RFX3: variants seen among roughly 807,000 people sequenced by gnomAD.
The protein encoded by RFX3 is regulatory factor X3.
RFX3 carries 14 observed loss-of-function variants against 98.6 expected under a neutral mutation model. The ratio of observed to expected loss-of-function variants is 0.14; its 90% CI spans 0.09 to 0.22. RFX3 has a LOEUF of 0.22. Ranked by LOEUF, RFX3 falls within the 10% of genes least tolerant of loss-of-function variation. RFX3 has a pLI of 1.00. For synonymous variants in RFX3, 383 were observed against 328.4 expected (o/e 1.17, Z -1.80); for missense variants, 639 against 926.9 (o/e 0.69, Z 4.03).
rs539378482 is a variant in RFX3 at position 3,366,382 on chromosome 9, T to G, written c.118-19618A>C. Among the ~76,000 whole-genome samples the G allele has an allele frequency of 2.6e-5, 4 of 152,358 alleles. No homozygotes were observed. The East Asian group carries it at 7.7e-4, about 29-fold the overall frequency. On this transcript the variant is annotated intron_variant, in intron 2 of 16. Transcript: ENST00000617270. ...CCAAGTGCGTGTATACGTGTGTGTC[T>G]GCACATACATACACGCACCAACTAC...
chr9:3,424,423 G>T (rs1384658260), intron 1 of RFX3, among the ~76,000 whole-genome samples: 2 of 132,138 alleles, frequency 1.5e-5, no homozygotes, highest in Non-Finnish European at 3.1e-5. Flanking sequence ...GTGCAGTGGC[G>T]CGATCTCGAC....
chr9:3,418,631 T>C (rs1046388174), intron 1 of RFX3, among the ~76,000 whole-genome samples: 1 of 152,148 alleles, frequency 6.6e-6, no homozygotes, highest in African/African-American at 2.4e-5. Flanking sequence ...CCGTCTGCCT[T>C]GGCCTCCCAA....
chr9:3,506,090 G>A (rs950332213), intron 1 of RFX3, among the ~76,000 whole-genome samples: 1 of 151,656 alleles, frequency 6.6e-6, no homozygotes, highest in African/African-American at 2.4e-5. Flanking sequence ...CTGGAAAGAG[G>A]TTAAGATGAC....
intron 2 of RFX3, among the ~76,000 whole-genome samples, chr9:3,376,225 T>C (rs1305774114): frequency 2.0e-5 from 3 of 152,212 alleles, no homozygotes; most frequent in South Asian, 2.1e-4. Flanking sequence ...AACTCTCATA[T>C]ACTGCTGGTG....
At chr9:3,345,692 C>T (rs970553246) in intron 3 of RFX3, among the ~76,000 whole-genome samples, 2 of 151,948 alleles carry the variant, frequency 1.3e-5, no homozygotes, top group African/African-American at 2.4e-5. Context: ...AAAACGAATA[C>T]AAAATTAACC....
Position 3,525,910 on chromosome 9 carries a change from T to C in RFX3, c.-172A>G. ...TGGCGCTTGATTCACAAGGCAACGGTTGCTATAACTCACAAAAGAGAGAGA... is the reference window on the plus strand; with the variant it reads ...TGGCGCTTGATTCACAAGGCAACGGCTGCTATAACTCACAAAAGAGAGAGA... On this transcript the variant is annotated 5_prime_UTR_variant, in exon 1 of 17. Coordinates refer to ENST00000617270, the MANE Select transcript of RFX3 (RefSeq NM_001282116.2). The C allele has an allele frequency of 2.0e-6, 2 of 981,806 alleles. No homozygotes were observed. Among genetic ancestry groups the C allele is most frequent in the Non-Finnish European group, 2.4e-6 (2 of 828,752 alleles). The allele number at this position is 981,806 out of a possible 1,614,324, so 60.8% of individuals were successfully genotyped here. A position where few individuals can be genotyped will look rare whatever the true frequency, so the allele number is the denominator to read the frequency against.
At chr9:3,305,548 G>A (rs1369563537) in intron 4 of RFX3, among the ~76,000 whole-genome samples, 1 of 151,892 alleles carries the variant, frequency 6.6e-6, no homozygotes, top group Non-Finnish European at 1.5e-5. Context: ...GAGGCAAGAG[G>A]AATAATGCAG....
intron 12 of RFX3, 75 bp from the exon 13 acceptor site, chr9:3,263,159 T>G (rs1239300727): frequency 6.7e-7 from 1 of 1,502,018 alleles, no homozygotes; most frequent in African/African-American, 1.4e-5. Context: ...CAAATCTTCT[T>G]TCCCTTCACA....
chr9:3,417,103 G>A (rs923261209), intron 1 of RFX3, among the ~76,000 whole-genome samples: 2 of 151,722 alleles, frequency 1.3e-5, no homozygotes, highest in African/African-American at 4.8e-5. Flanking sequence ...GGAATAAGAG[G>A]AGTCATTTCA....
At chr9:3,318,330 C>T (rs1830869713) in intron 4 of RFX3, among the ~76,000 whole-genome samples, 1 of 152,042 alleles carries the variant, frequency 6.6e-6, no homozygotes, top group Admixed American at 6.5e-5. Context: ...AATGAGAACA[C>T]ATGGACACAG....
At chr9:3,252,547 A>C (rs1179736586) in intron 14 of RFX3, among the ~76,000 whole-genome samples, 1 of 152,186 alleles carries the variant, frequency 6.6e-6, no homozygotes. Context: ...AGCAAATGAA[A>C]GAGCTTGAGA....
chr9:3,505,210 A>G (rs1163669672), intron 1 of RFX3, among the ~76,000 whole-genome samples: 1 of 81,682 alleles, frequency 1.2e-5, no homozygotes, highest in African/African-American at 5.3e-5. Flanking sequence ...TTATATATAT[A>G]TGAATATATA....
At chr9:3,510,952 G>A (rs1817613335) in intron 1 of RFX3, among the ~76,000 whole-genome samples, 1 of 151,866 alleles carries the variant, frequency 6.6e-6, no homozygotes, top group South Asian at 2.1e-4. Flanking sequence ...AAACAGTTTA[G>A]TTCTAAAATA....
chr9:3,236,794 G>T (rs757824555), intron 15 of RFX3, among the ~76,000 whole-genome samples: 3 of 152,118 alleles, frequency 2.0e-5, no homozygotes, highest in African/African-American at 4.8e-5. Context: ...CTCACTTGAG[G>T]GTCATCAGGT....
At chr9:3,255,435 T>G (rs887568242) in intron 14 of RFX3, among the ~76,000 whole-genome samples, 4 of 152,212 alleles carry the variant, frequency 2.6e-5, no homozygotes, top group Non-Finnish European at 4.4e-5. Flanking sequence ...ACAGCTACAG[T>G]CAGGTGTATG....
intron 3 of RFX3, among the ~76,000 whole-genome samples, chr9:3,337,801 A>C (rs1041377741): frequency 1.3e-5 from 2 of 152,190 alleles, no homozygotes; most frequent in Non-Finnish European, 2.9e-5. Context: ...CTTTGTCTTA[A>C]ATAGGCCAGA....
intron 1 of RFX3, among the ~76,000 whole-genome samples, chr9:3,449,617 G>C (rs1289298880): frequency 6.6e-6 from 1 of 152,170 alleles, no homozygotes; most frequent in Non-Finnish European, 1.5e-5. Context: ...CCAGGAACTG[G>C]GGAGGCCAAG....
At chr9:3,408,055 C>A (rs1842115795) in intron 1 of RFX3, among the ~76,000 whole-genome samples, 1 of 152,162 alleles carries the variant, frequency 6.6e-6, no homozygotes, top group African/African-American at 2.4e-5. Flanking sequence ...CTGCCTGCAG[C>A]TTCTCAAGAC....
intron 1 of RFX3, among the ~76,000 whole-genome samples, chr9:3,485,312 C>A (rs934008654): frequency 1.3e-5 from 2 of 152,144 alleles, no homozygotes; most frequent in African/African-American, 4.8e-5. Flanking sequence ...TTCTGAAGCA[C>A]TATTCTGTGC....
Sources: allele counts gnomAD v4.1 joint callset (sites outside exome capture counted in the v4.1 genomes callset), GRCh38; gene constraint gnomAD v4.1.1; transcripts MANE v1.5; gene names NCBI Gene and HGNC (gene_info 2026-07-23, HGNC 2026-07-21).